Variants in PAX5 observed in about 807,000 individuals in gnomAD.
The protein encoded by PAX5 is paired box 5, also known as paired box protein Pax-5.
A neutral mutation model predicts 43.7 loss-of-function variants in PAX5; 9 were observed. The ratio of observed to expected loss-of-function variants is 0.21; its 90% CI spans 0.12 to 0.36. The LOEUF (loss-of-function observed/expected upper bound fraction) is 0.36, where lower values mean the gene tolerates loss of function less well. PAX5 is among the 10% of genes least tolerant of loss of function. The pLI, the probability that PAX5 is intolerant of heterozygous loss-of-function variation, is 1.00. For missense variants in PAX5, 383 were observed against 532.7 expected (o/e 0.72, Z 2.77); for synonymous variants, 228 against 214.3 (o/e 1.06, Z -0.56).
chr9:36,850,572 C>T (rs573290814), intron 8 of PAX5, among the ~76,000 whole-genome samples: 3 of 152,294 alleles, frequency 2.0e-5, no homozygotes, highest in South Asian at 2.1e-4. Context: ...ACGGGCCCTT[C>T]GCCTCCTTCT....
At chr9:36,884,767 A>G (rs1465931066) in intron 7 of PAX5, among the ~76,000 whole-genome samples, 11 of 152,220 alleles carry the variant, frequency 7.2e-5, no homozygotes, top group East Asian at 1.9e-4. Context: ...CCTAGAACCA[A>G]TGGAAAATTT....
intron 6 of PAX5, among the ~76,000 whole-genome samples, chr9:36,942,659 ATTC>A (rs1273640153): frequency 6.6e-6 from 1 of 152,202 alleles, no homozygotes; most frequent in Non-Finnish European, 1.5e-5. Context: ...TGTGGTTCTC[ATTC>A]TTCTTCCTTT....
intron 5 of PAX5, among the ~76,000 whole-genome samples, chr9:36,971,841 G>A (rs192126366): frequency 6.6e-6 from 1 of 152,268 alleles, no homozygotes; most frequent in East Asian, 1.9e-4. Flanking sequence ...ACACAATCGG[G>A]TCTGGTCACG....
intron 8 of PAX5, among the ~76,000 whole-genome samples, chr9:36,880,444 T>C (rs912052112): frequency 2.0e-5 from 3 of 152,250 alleles, no homozygotes; most frequent in African/African-American, 2.4e-5. Context: ...GGTGTGGTTA[T>C]GTCCGTTTGG....
chr9:36,973,123 A>C (rs138461756), intron 5 of PAX5, among the ~76,000 whole-genome samples: 41 of 78,918 alleles, frequency 5.2e-4, no homozygotes, highest in African/African-American at 2.0e-3. Flanking sequence ...AGGAAAGGAA[A>C]GGAAAGGAAA....
At chr9:36,960,333 G>A (rs182576638) in intron 6 of PAX5, among the ~76,000 whole-genome samples, 4 of 152,292 alleles carry the variant, frequency 2.6e-5, no homozygotes, top group Admixed American at 6.5e-5. Context: ...ACATGCACAC[G>A]CCAGCCCTGG....
At chr9:36,868,827 A>G (rs12351275) in intron 8 of PAX5, among the ~76,000 whole-genome samples, 4,969 of 152,202 alleles carry the variant, frequency 0.033, 255 homozygotes, top group African/African-American at 0.11. Flanking sequence ...GAACCCAGTC[A>G]GCCTGCCTCC....
intron 6 of PAX5, among the ~76,000 whole-genome samples, chr9:36,924,600 G>C (rs978381388): frequency 6.6e-6 from 1 of 151,394 alleles, no homozygotes; most frequent in Non-Finnish European, 1.5e-5. Context: ...TTCACCTGTA[G>C]TCCCAGCTAC....
chr9:36,867,665 A>G lies in PAX5; in HGVS notation c.1012+14339T>C, dbSNP rs138215174. Among the ~76,000 whole-genome samples, 23 of 152,320 alleles carry G rather than the reference A, an allele frequency of 1.5e-4. No homozygotes were observed. In the East Asian group the frequency reaches 4.0e-3, roughly 27 times the overall value. ...TGGGATTGCTCTTCAGGCGAAGGGT[A>G]TGGTAACACAGTTGTCATTTCACAT... On this transcript the variant is annotated intron_variant, in intron 8 of 9. Coordinates refer to ENST00000358127, the MANE Select transcript of PAX5 (RefSeq NM_016734.3).
At chr9:37,026,986 C>T (rs1840453787) in intron 1 of PAX5, among the ~76,000 whole-genome samples, 1 of 152,212 alleles carries the variant, frequency 6.6e-6, no homozygotes, top group Admixed American at 6.5e-5. Context: ...AACAATCGGC[C>T]CTTGACTTCA....
intron 1 of PAX5, among the ~76,000 whole-genome samples, chr9:37,028,590 G>A (rs1192093238): frequency 1.3e-5 from 2 of 152,258 alleles, no homozygotes; most frequent in African/African-American, 2.4e-5. Flanking sequence ...AACTGCCAGA[G>A]GCTTTGGGAG....
chr9:36,912,833 C>T lies in PAX5; in HGVS notation c.910+10522G>A, dbSNP rs181538854. Among the ~76,000 whole-genome samples the T allele has an allele frequency of 2.6e-5, 4 of 152,352 alleles. No individual in the cohort carries two copies. The East Asian group carries it at 7.7e-4, about 29-fold the overall frequency. On this transcript the variant is annotated intron_variant, in intron 7 of 9. Transcript: ENST00000358127. ...ACCCCTTCGGTGGCTCTTAATCCCCCTCCTCCCACTGGCTCATTTTATCCT... is the reference window on the plus strand; with the variant it reads ...ACCCCTTCGGTGGCTCTTAATCCCCTTCCTCCCACTGGCTCATTTTATCCT...
chr9:36,872,699 C>A (rs1486482614), intron 8 of PAX5, among the ~76,000 whole-genome samples: 1 of 152,204 alleles, frequency 6.6e-6, no homozygotes, highest in Non-Finnish European at 1.5e-5. Flanking sequence ...AGCATCACTT[C>A]CGTGCAGGGT....
intron 9 of PAX5, among the ~76,000 whole-genome samples, chr9:36,846,277 G>A (rs1563883609): frequency 6.6e-6 from 1 of 152,186 alleles, no homozygotes; most frequent in Admixed American, 6.5e-5. Context: ...TCCAAGGCTT[G>A]GGCAGAGGGT....
intron 8 of PAX5, among the ~76,000 whole-genome samples, chr9:36,877,444 A>C (rs995182707): frequency 2.4e-4 from 36 of 152,332 alleles, no homozygotes; most frequent in Non-Finnish European, 1.9e-4. Flanking sequence ...GATTCCCTCT[A>C]GATTGCACCA....
At chr9:36,946,182 C>T (rs536072759) in intron 6 of PAX5, among the ~76,000 whole-genome samples, 30 of 151,078 alleles carry the variant, frequency 2.0e-4, no homozygotes, top group African/African-American at 5.6e-4. Context: ...AGGAGTGCTC[C>T]GTCAGGATGC....
At chr9:36,934,062 C>T (rs1367620688) in intron 6 of PAX5, among the ~76,000 whole-genome samples, 1 of 152,174 alleles carries the variant, frequency 6.6e-6, no homozygotes, top group Non-Finnish European at 1.5e-5. Flanking sequence ...CTCAGGTCCC[C>T]GAATCCAGAG....
chr9:36,871,517 A>C (rs188590732), intron 8 of PAX5, among the ~76,000 whole-genome samples: 46 of 152,260 alleles, frequency 3.0e-4, no homozygotes, highest in African/African-American at 1.0e-3. Flanking sequence ...CCCTTCCGCA[A>C]ATGCTTCAGT....
At chr9:36,846,204 G>A (rs149512043) in intron 9 of PAX5, among the ~76,000 whole-genome samples, 303 of 152,298 alleles carry the variant, frequency 2.0e-3, no homozygotes, top group African/African-American at 7.0e-3. Context: ...TGGTCTTTGC[G>A]GTGGCCCAAA....
Sources: allele counts gnomAD v4.1 joint callset (sites outside exome capture counted in the v4.1 genomes callset), GRCh38; gene constraint gnomAD v4.1.1; transcripts MANE v1.5; gene names NCBI Gene and HGNC (gene_info 2026-07-23, HGNC 2026-07-21).